Variants in BOD1L1 observed in about 807,000 individuals in gnomAD.
BOD1L1 encodes biorientation of chromosomes in cell division protein 1-like 1.
In BOD1L1, 86 loss-of-function variants were observed where a neutral mutation model predicts 240.7. The ratio of observed to expected loss-of-function variants is 0.36; its 90% CI spans 0.30 to 0.43. BOD1L1 has a LOEUF of 0.43. Among genes scored for constraint, BOD1L1 ranks in the 20% least tolerant of loss-of-function variants. The pLI, the probability that BOD1L1 is intolerant of heterozygous loss-of-function variation, is 1.00. For synonymous variants in BOD1L1, 1,268 were observed against 1,272.3 expected (o/e 1.00, Z 0.07); for missense variants, 3,554 against 3,643.5 (o/e 0.98, Z 0.63).
intron 9 of BOD1L1, among the ~76,000 whole-genome samples, chr4:13,606,165 T>C (rs893377283): frequency 1.3e-5 from 2 of 152,096 alleles, no homozygotes; most frequent in Non-Finnish European, 2.9e-5. Context: ...TAGCTTAAAA[T>C]AAAATTCCTC....
At chr4:13,596,452 G>A (rs1478024800) in intron 11 of BOD1L1, among the ~76,000 whole-genome samples, 1 of 152,098 alleles carries the variant, frequency 6.6e-6, no homozygotes, top group African/African-American at 2.4e-5. Context: ...TATTGGGCAA[G>A]TTGTGTTTCC....
chr4:13,577,044 C>T (rs1169568331), intron 24 of BOD1L1, 53 bp from the exon 25 acceptor site: 3 of 1,586,468 alleles, frequency 1.9e-6, no homozygotes, highest in Admixed American at 3.5e-5. Flanking sequence ...AAGATACTTC[C>T]AAGAGAGAGA....
Position 13,569,890 on chromosome 4 carries a change from C to A in BOD1L1, c.*121G>T. ...AAACATAACAAGAAAAAGCTTGCAC[C>A]TAGGGACTTACAGCACATGCATATC... is the stretch of plus-strand genomic sequence containing the variant. On this transcript the variant is annotated 3_prime_UTR_variant, in exon 26 of 26. Transcript: ENST00000040738. 1.7e-6 allele frequency: 1 copy of A among 573,658 alleles called. No individual in the cohort carries two copies. The highest frequency in any genetic ancestry group is 2.8e-6 in the Non-Finnish European group (1 of 357,330). The allele number at this position is 573,658 out of a possible 1,614,324, so 35.5% of individuals were successfully genotyped here.
intron 14 of BOD1L1, 147 bp from the exon 15 acceptor site, chr4:13,588,939 TCACAAATGATTTTTGATGGGATCCTCCA>T: frequency 1.9e-6 from 1 of 522,956 alleles, no homozygotes; most frequent in South Asian, 3.0e-5. Context: ...TGGTAGATAG[TCACAAATGATTTTTGATGGGATCCTCCA>T]CACAACTCTG....
rs1467361895 is a variant in BOD1L1 at position 13,599,060 on chromosome 4, T to A, written c.7840A>T (p.Thr2614Ser). 2 of 1,613,902 alleles carry A rather than the reference T, an allele frequency of 1.2e-6. No individual in the cohort carries two copies. Among genetic ancestry groups the A allele is most frequent in the Non-Finnish European group, 1.7e-6 (2 of 1,179,902 alleles). The change falls in exon 10 of 26, where the codon ACT (threonine) becomes TCT (serine). Residue 2614 changes from threonine to serine, a missense_variant. Transcript: ENST00000040738. ...TIKNDYSGKW[T>S]DQASAEKTGD... ...GTTTTCTCAGCAGATGCTTGATCAG[T>A]CCATTTGCCACTATAATCATTCTTT... is the stretch of plus-strand genomic sequence containing the variant.
At chr4:13,571,230 G>C (rs752045048) in intron 25 of BOD1L1, among the ~76,000 whole-genome samples, 2 of 152,166 alleles carry the variant, frequency 1.3e-5, no homozygotes, top group Non-Finnish European at 2.9e-5. Context: ...CCAGTGCCTA[G>C]TGCAATGCCC....
Position 13,601,151 on chromosome 4 carries a change from C to T in BOD1L1, c.5749G>A (p.Ala1917Thr). 6.2e-7 allele frequency: 1 copy of T among 1,614,032 alleles called. No homozygotes were observed. The highest frequency in any genetic ancestry group is 8.5e-7 in the Non-Finnish European group (1 of 1,179,904). ...QIGTVVEHVE[A>T]EAGAAIMNAN... ...TTCATGATGGCAGCTCCAGCCTCAG[C>T]TTCCACATGCTCTACCACAGTACCA... Residue 1917 changes from alanine to threonine, a missense_variant, in exon 10 of 26, where the codon GCT becomes ACT. Ala to Thr is a moderately conservative substitution (Grantham distance 58). Transcript: ENST00000040738.
At chr4:13,621,453 G>A (rs1238403274) in intron 1 of BOD1L1, among the ~76,000 whole-genome samples, 1 of 152,178 alleles carries the variant, frequency 6.6e-6, no homozygotes, top group Non-Finnish European at 1.5e-5. Context: ...CACCTTCAGA[G>A]CTCACCCTAA....
chr4:13,621,385 T>C (rs1384727628), intron 1 of BOD1L1, among the ~76,000 whole-genome samples: 9 of 152,224 alleles, frequency 5.9e-5, no homozygotes, highest in Non-Finnish European at 7.3e-5. Context: ...AATTCTCATA[T>C]CTGCACCTAC....
At chr4:13,608,753 T>C in intron 7 of BOD1L1, 85 bp from the exon 8 acceptor site, 1 of 1,227,186 alleles carries the variant, frequency 8.1e-7, no homozygotes. Flanking sequence ...ATTTTTCTAA[T>C]CATTGTTAAA....
At chr4:13,625,015 G>C (rs907687882) in intron 1 of BOD1L1, 1 of 152,196 alleles carries the variant, frequency 6.6e-6, no homozygotes, top group African/African-American at 2.4e-5. Flanking sequence ...TGGCCATACT[G>C]TTGCTTTTTA....
chr4:13,582,282 A>C lies in BOD1L1; in HGVS notation c.8547T>G (p.Gly2849=). Reference sequence around the variant, plus strand: ...CATCATCGTTCTGCTCTGGCTTTTCACCAGTAGTTTCACTGCTGCTATATT... The same window carrying C: ...CATCATCGTTCTGCTCTGGCTTTTCCCCAGTAGTTTCACTGCTGCTATATT... The part of the protein sequence containing the change: ...KDEYSSSETT[G]EKPEQNDDDT... The change falls in exon 19 of 26, where the codon GGT becomes GGG. Residue 2849 remains glycine, a synonymous_variant. Coordinates refer to ENST00000040738, the MANE Select transcript of BOD1L1 (RefSeq NM_148894.3). 1 of 1,613,608 alleles carries C rather than the reference A, an allele frequency of 6.2e-7. No homozygotes were observed. Among genetic ancestry groups the C allele is most frequent in the Non-Finnish European group, 8.5e-7 (1 of 1,179,718 alleles).
intron 17 of BOD1L1, 97 bp from the exon 18 acceptor site, chr4:13,582,833 C>A: frequency 1.3e-6 from 1 of 753,258 alleles, no homozygotes; most frequent in Non-Finnish European, 2.2e-6. Flanking sequence ...TTCAAAAAAA[C>A]TTCCTAGCTC....
intron 1 of BOD1L1, chr4:13,625,110 G>C (rs1717295774): frequency 1.3e-5 from 2 of 152,156 alleles, no homozygotes; most frequent in South Asian, 2.1e-4. Flanking sequence ...AATTTTTATA[G>C]TCATGCGCCC....
At chr4:13,581,269 A>G (rs1035006141) in intron 19 of BOD1L1, 62 bp from the exon 20 acceptor site, 3 of 1,193,768 alleles carry the variant, frequency 2.5e-6, no homozygotes, top group East Asian at 2.6e-5. Context: ...TTTATTATAT[A>G]AAGTTTTCTC....
At chr4:13,610,476 A>G (rs1716069929) in intron 6 of BOD1L1, among the ~76,000 whole-genome samples, 3 of 152,232 alleles carry the variant, frequency 2.0e-5, no homozygotes, top group Non-Finnish European at 4.4e-5. Flanking sequence ...CACAAGTGGA[A>G]AGTTCCACAC....
At chr4:13,616,759 A>G (rs1173901935) in intron 2 of BOD1L1, among the ~76,000 whole-genome samples, 1 of 152,166 alleles carries the variant, frequency 6.6e-6, no homozygotes, top group Non-Finnish European at 1.5e-5. Context: ...TTGTGAAACT[A>G]TAATTCTACT....
At chr4:13,573,474 T>TCTATCTATCTA (rs1560175491) in intron 25 of BOD1L1, among the ~76,000 whole-genome samples, 333 of 23,810 alleles carry the variant, frequency 0.014, 1 homozygote, top group East Asian at 0.097. Flanking sequence ...CTATCTATCT[T>TCTATCTATCTA]TCTTTCTTTC....
In BOD1L1 at chr4:13,601,122, T is replaced by G. The variant is rs781399497; in HGVS notation, c.5778A>C (p.Ala1926=). 2.7e-5 allele frequency: 44 copies of G among 1,613,920 alleles called. No homozygotes were observed. The highest frequency in any genetic ancestry group is 3.5e-5 in the Non-Finnish European group (41 of 1,179,914). ...EAEAGAAIMN[A]NENNVDSMSG... ...TCATGCTGTCAACATTATTTTCATT[T>G]GCATTCATGATGGCAGCTCCAGCCT... Residue 1926 remains alanine (A), a synonymous_variant, in exon 10 of 26, where the codon GCA becomes GCC. Transcript: ENST00000040738.
Sources: allele counts gnomAD v4.1 joint callset (sites outside exome capture counted in the v4.1 genomes callset), GRCh38; gene constraint gnomAD v4.1.1; transcripts MANE v1.5; gene names NCBI Gene and HGNC (gene_info 2026-07-23, HGNC 2026-07-21).